Variants in SNX29 observed in about 807,000 individuals in gnomAD.
SNX29 encodes the protein sorting nexin 29, also known as sorting nexin-29.
A neutral mutation model predicts 102.1 loss-of-function variants in SNX29; 78 were observed. That is an observed-to-expected ratio of 0.76 (90% CI 0.64 to 0.92). The LOEUF (loss-of-function observed/expected upper bound fraction) is 0.92, where lower values mean the gene tolerates loss of function less well. Among genes scored for constraint, SNX29 ranks in the 40% least tolerant of loss-of-function variants. The pLI is 0.00. For synonymous variants in SNX29, 580 were observed against 414.5 expected (o/e 1.40, Z -4.85); for missense variants, 1,280 against 1,061.7 (o/e 1.21, Z -2.86).
chr16:12,571,872 A>C lies in SNX29; in HGVS notation c.*3243A>C. ...TCACGTTGCTGGCAAGGCATTTTAG[A>C]GTTTGGAGCTGAGGTTCAAAGCCCC... On this transcript the variant is annotated 3_prime_UTR_variant, in exon 21 of 21. Coordinates refer to ENST00000566228, the MANE Select transcript of SNX29 (RefSeq NM_032167.5). 2 of 1,061,484 alleles carry C rather than the reference A, an allele frequency of 1.9e-6. No homozygotes were observed. Among genetic ancestry groups the C allele is most frequent in the Non-Finnish European group, 2.3e-6 (2 of 876,864 alleles). 65.8% of individuals were successfully genotyped at this position (1,061,484 alleles called of 1,614,324 possible).
intron 19 of SNX29, among the ~76,000 whole-genome samples, chr16:12,504,138 T>C (rs2089259403): frequency 6.6e-6 from 1 of 152,144 alleles, no homozygotes; most frequent in African/African-American, 2.4e-5. Flanking sequence ...ACATTTCCTA[T>C]CGATGGAATA....
intron 10 of SNX29, among the ~76,000 whole-genome samples, chr16:12,071,563 G>T (rs1448864298): frequency 5.3e-5 from 8 of 152,276 alleles, no homozygotes; most frequent in African/African-American, 1.7e-4. Flanking sequence ...TGCTGTTTTG[G>T]TTACTGTAGC....
At chr16:12,370,816 G>A (rs1443997532) in intron 16 of SNX29, among the ~76,000 whole-genome samples, 2 of 152,212 alleles carry the variant, frequency 1.3e-5, no homozygotes, top group African/African-American at 2.4e-5. Flanking sequence ...ATTCATTGCT[G>A]TCTCTTTTCT....
At chr16:12,360,656 C>T (rs568233483) in intron 16 of SNX29, among the ~76,000 whole-genome samples, 157 of 152,188 alleles carry the variant, frequency 1.0e-3, no homozygotes, top group African/African-American at 3.5e-3. Context: ...CCCCCACCCC[C>T]TACCGTATTG....
intron 13 of SNX29, among the ~76,000 whole-genome samples, chr16:12,176,372 T>C (rs551793617): frequency 6.6e-6 from 1 of 152,196 alleles, no homozygotes; most frequent in South Asian, 2.1e-4. Flanking sequence ...TGCCCCGGTT[T>C]CCATTTATGT....
intron 18 of SNX29, among the ~76,000 whole-genome samples, chr16:12,441,710 C>T (rs2085815648): frequency 6.6e-6 from 1 of 152,174 alleles, no homozygotes; most frequent in South Asian, 2.1e-4. Context: ...CTTGAGGACA[C>T]ACAGATTTAG....
chr16:12,540,064 TTTTGGTGTCATGTC>T (rs1357278608), intron 20 of SNX29, among the ~76,000 whole-genome samples: 1 of 152,222 alleles, frequency 6.6e-6, no homozygotes, highest in Admixed American at 6.5e-5. Flanking sequence ...CAGATCATGC[TTTTGGTGTCATGTC>T]TACCAATTGT....
intron 15 of SNX29, among the ~76,000 whole-genome samples, chr16:12,333,301 T>G (rs1263044757): frequency 6.6e-6 from 1 of 151,826 alleles, no homozygotes; most frequent in Admixed American, 6.6e-5. Flanking sequence ...GAGATGGGAT[T>G]TCACCATATT....
At chr16:11,979,148 G>A (rs1030585421) in intron 1 of SNX29, among the ~76,000 whole-genome samples, 5 of 151,020 alleles carry the variant, frequency 3.3e-5, no homozygotes, top group African/African-American at 4.9e-5. Flanking sequence ...AGTGGCAGGC[G>A]CCTGTAATCG....
intron 14 of SNX29, among the ~76,000 whole-genome samples, chr16:12,265,232 G>C (rs2078890871): frequency 6.6e-6 from 1 of 152,160 alleles, no homozygotes; most frequent in African/African-American, 2.4e-5. Context: ...TTTTATTCCA[G>C]CAAAGAAGTT....
intron 15 of SNX29, among the ~76,000 whole-genome samples, chr16:12,304,174 G>GTTT (rs760514032): frequency 4.1e-5 from 6 of 147,156 alleles, no homozygotes; most frequent in Admixed American, 1.3e-4. Flanking sequence ...TCCTATCACT[G>GTTT]TTTTTTGTTT....
chr16:12,334,324 G>C (rs1418934908), intron 15 of SNX29, among the ~76,000 whole-genome samples: 1 of 152,184 alleles, frequency 6.6e-6, no homozygotes, highest in Admixed American at 6.5e-5. Flanking sequence ...AGAAACATGA[G>C]AGACTTTGAG....
chr16:12,245,040 A>G (rs1262823432), intron 14 of SNX29, among the ~76,000 whole-genome samples: 2 of 152,218 alleles, frequency 1.3e-5, no homozygotes, highest in Non-Finnish European at 2.9e-5. Flanking sequence ...CTGAAAGGGC[A>G]TAGTTTTCTT....
At chr16:12,282,981 C>CA (rs1193796662) in intron 15 of SNX29, among the ~76,000 whole-genome samples, 1 of 152,090 alleles carries the variant, frequency 6.6e-6, no homozygotes, top group African/African-American at 2.4e-5. Flanking sequence ...AACTAGAGCT[C>CA]AGAGCAACCT....
At chr16:12,559,116 C>T (rs12932704) in intron 20 of SNX29, among the ~76,000 whole-genome samples, 29,841 of 151,894 alleles carry the variant, frequency 0.2, 3,084 homozygotes, top group East Asian at 0.43. Flanking sequence ...GTAGTCAAAT[C>T]AGGCTTGGAT....
At chr16:12,068,679 G>C (rs1259290943) in intron 9 of SNX29, among the ~76,000 whole-genome samples, 1 of 152,110 alleles carries the variant, frequency 6.6e-6, no homozygotes, top group East Asian at 1.9e-4. Context: ...CGAGTAGTTG[G>C]GATTACAGTC....
At chr16:12,278,805 A>G (rs1392199981) in intron 15 of SNX29, among the ~76,000 whole-genome samples, 1 of 152,270 alleles carries the variant, frequency 6.6e-6, no homozygotes, top group African/African-American at 2.4e-5. Context: ...AACAGTGCAC[A>G]TAAAACATAG....
chr16:12,418,958 G>T (rs75976355), intron 18 of SNX29, among the ~76,000 whole-genome samples: 1 of 152,156 alleles, frequency 6.6e-6, no homozygotes, highest in Admixed American at 6.5e-5. Context: ...CCTGTCTGAT[G>T]CCTCCCTTGC....
intron 9 of SNX29, among the ~76,000 whole-genome samples, chr16:12,063,661 G>A (rs964350556): frequency 6.6e-6 from 1 of 152,026 alleles, no homozygotes; most frequent in African/African-American, 2.4e-5. Context: ...TTATAGGCAT[G>A]AGCCACCGTG....
Sources: allele counts gnomAD v4.1 joint callset (sites outside exome capture counted in the v4.1 genomes callset), GRCh38; gene constraint gnomAD v4.1.1; transcripts MANE v1.5; gene names NCBI Gene and HGNC (gene_info 2026-07-23, HGNC 2026-07-21).